Variants in CAMK4 observed in about 807,000 individuals in gnomAD.
The protein encoded by CAMK4 is calcium/calmodulin-dependent protein kinase type IV.
CAMK4 carries 22 observed loss-of-function variants against 44.9 expected under a neutral mutation model. The ratio of observed to expected loss-of-function variants is 0.49; its 90% CI spans 0.35 to 0.70. The LOEUF is 0.70. Among genes scored for constraint, CAMK4 ranks in the 30% least tolerant of loss-of-function variants. The pLI, the probability that CAMK4 is intolerant of heterozygous loss-of-function variation, is 0.01. For missense variants in CAMK4, 498 were observed against 586.8 expected (o/e 0.85, Z 1.56); for synonymous variants, 218 against 215.4 (o/e 1.01, Z -0.11).
At chr5:111,309,602 T>G (rs1748111675) in intron 1 of CAMK4, among the ~76,000 whole-genome samples, 1 of 152,162 alleles carries the variant, frequency 6.6e-6, no homozygotes, top group African/African-American at 2.4e-5. Flanking sequence ...TTAGTCATCC[T>G]CCTGGCTTTT....
chr5:111,247,724 A>G (rs981047100), intron 1 of CAMK4, among the ~76,000 whole-genome samples: 2 of 152,112 alleles, frequency 1.3e-5, no homozygotes, highest in African/African-American at 4.8e-5. Context: ...ACCCCAGATA[A>G]TGGAGGATAA....
At chr5:111,415,848 T>C (rs1263173027) in intron 5 of CAMK4, among the ~76,000 whole-genome samples, 1 of 152,088 alleles carries the variant, frequency 6.6e-6, no homozygotes, top group Admixed American at 6.5e-5. Flanking sequence ...ACAAAATAAA[T>C]AAAAAACAAT....
Position 111,478,515 on chromosome 5 carries a change from TA to T in CAMK4, c.828+10del. ...CTAAATGCCAAGGACTTGGTAAGTG[TA>T]ACCAAAACAAAATGAAACAAAATGA... is the stretch of plus-strand genomic sequence containing the variant. On this transcript the variant is annotated intron_variant, in intron 9 of 10. Transcript: ENST00000282356. 2 of 1,423,844 alleles carry T rather than the reference TA, an allele frequency of 1.4e-6. No homozygotes were observed. Among genetic ancestry groups the T allele is most frequent in the Non-Finnish European group, 1.9e-6 (2 of 1,049,464 alleles). The allele number at this position is 1,423,844 out of a possible 1,614,324, so 88.2% of individuals were successfully genotyped here. A position where few individuals can be genotyped will look rare whatever the true frequency, so the allele number is the denominator to read the frequency against.
chr5:111,296,798 C>T (rs1747502423), intron 1 of CAMK4, among the ~76,000 whole-genome samples: 1 of 152,184 alleles, frequency 6.6e-6, no homozygotes, highest in African/African-American at 2.4e-5. Context: ...CAAATGCCTG[C>T]AGAGCCAGAC....
rs1580807502 is a variant in CAMK4, at chr5:111,478,507, G to A, written c.828G>A (p.Leu276=). The change falls in exon 9 of 11, where the codon TTG becomes TTA. Residue 276 remains leucine (L), a splice_region_variant and synonymous_variant. Transcript: ENST00000282356. ...WDEVSLNAKD[L]VRKLIVLDPK... ...AAGTATCTCTAAATGCCAAGGACTT[G>A]GTAAGTGTAACCAAAACAAAATGAA... The A allele has an allele frequency of 6.6e-7, 1 of 1,507,792 alleles. No individual in the cohort carries two copies. The allele number at this position is 1,507,792 out of a possible 1,614,324, so 93.4% of individuals were successfully genotyped here.
At chr5:111,294,456 T>A (rs1214350385) in intron 1 of CAMK4, among the ~76,000 whole-genome samples, 2 of 152,200 alleles carry the variant, frequency 1.3e-5, no homozygotes, top group Admixed American at 1.3e-4. Context: ...TTACTAAATA[T>A]TATTTTGAGA....
intron 1 of CAMK4, among the ~76,000 whole-genome samples, chr5:111,237,050 C>G (rs181079049): frequency 6.6e-6 from 1 of 152,336 alleles, no homozygotes; most frequent in East Asian, 1.9e-4. Flanking sequence ...GTCTCCCTCT[C>G]ATTAGAATGT....
At chr5:111,297,377 T>C (rs927597433) in intron 1 of CAMK4, among the ~76,000 whole-genome samples, 2 of 152,140 alleles carry the variant, frequency 1.3e-5, no homozygotes, top group Admixed American at 1.3e-4. Flanking sequence ...GGCTAGGATG[T>C]GGAAAATTAG....
At chr5:111,426,956 C>T (rs1026983933) in intron 5 of CAMK4, among the ~76,000 whole-genome samples, 8 of 152,152 alleles carry the variant, frequency 5.3e-5, no homozygotes, top group African/African-American at 1.9e-4. Context: ...ACAAGAGTCC[C>T]AGTGCTGAAT....
intron 1 of CAMK4, among the ~76,000 whole-genome samples, chr5:111,291,650 A>G (rs1747263904): frequency 6.6e-6 from 1 of 152,126 alleles, no homozygotes; most frequent in Non-Finnish European, 1.5e-5. Context: ...TCCTGGGACC[A>G]CAGGCAAGGA....
At chr5:111,267,089 G>T (rs79338200) in intron 1 of CAMK4, among the ~76,000 whole-genome samples, 4,463 of 152,088 alleles carry the variant, frequency 0.029, 89 homozygotes, top group Admixed American at 0.044. Flanking sequence ...CTTCAGGTTG[G>T]TCCCTGAATC....
chr5:111,283,909 C>T (rs1167096970), intron 1 of CAMK4, among the ~76,000 whole-genome samples: 1 of 151,998 alleles, frequency 6.6e-6, no homozygotes, highest in Non-Finnish European at 1.5e-5. Flanking sequence ...TTTAGGTTGT[C>T]TCCTTTTTCT....
At chr5:111,249,290 AGAT>A (rs1314433711) in intron 1 of CAMK4, among the ~76,000 whole-genome samples, 2 of 152,126 alleles carry the variant, frequency 1.3e-5, no homozygotes, top group African/African-American at 4.8e-5. Context: ...CCAAGAACAT[AGAT>A]GATCTGGAAA....
chr5:111,418,977 C>G (rs1752919504), intron 5 of CAMK4, among the ~76,000 whole-genome samples: 1 of 152,104 alleles, frequency 6.6e-6, no homozygotes, highest in Non-Finnish European at 1.5e-5. Flanking sequence ...ATGGCTGGGT[C>G]AAATGGTATT....
At chr5:111,444,400 C>G (rs1265412892) in intron 5 of CAMK4, among the ~76,000 whole-genome samples, 1 of 152,100 alleles carries the variant, frequency 6.6e-6, no homozygotes, top group African/African-American at 2.4e-5. Context: ...GCCTCAGGTG[C>G]CACTGTCACA....
At chr5:111,274,092 TG>T (rs1240765058) in intron 1 of CAMK4, among the ~76,000 whole-genome samples, 1 of 152,050 alleles carries the variant, frequency 6.6e-6, no homozygotes, top group Admixed American at 6.6e-5. Flanking sequence ...TTGATGTTTC[TG>T]GAACACGTGG....
At position 111,447,034 on chromosome 5, in the gene CAMK4, C is replaced by T. The variant is rs557980139; in HGVS notation, c.550+258C>T. Among the ~76,000 whole-genome samples the T allele has an allele frequency of 7.2e-5, 11 of 152,206 alleles. No individual in the cohort carries two copies. The South Asian group carries it at 1.2e-3, about 17-fold the overall frequency. ...AATCACAGCTTAGAAATGGCAAGGA[C>T]CACAGGAGATGACCTTGTATTTTGT... On this transcript the variant is annotated intron_variant, in intron 6 of 10. Transcript: ENST00000282356.
intron 2 of CAMK4, among the ~76,000 whole-genome samples, chr5:111,370,829 C>T (rs939951363): frequency 1.3e-5 from 2 of 152,046 alleles, no homozygotes; most frequent in East Asian, 1.9e-4. Context: ...GCAGGAGAAT[C>T]GCTTGAACTT....
At chr5:111,356,736 G>C (rs371581877) in intron 2 of CAMK4, among the ~76,000 whole-genome samples, 19,177 of 150,264 alleles carry the variant, frequency 0.13, 1,056 homozygotes, top group African/African-American at 0.32. Flanking sequence ...AGCCAGTTTT[G>C]CCAGCACCAT....
Sources: gnomAD v4.1 joint callset for allele counts (sites outside exome capture counted in the v4.1 genomes callset) on GRCh38, gnomAD v4.1.1 for gene constraint, MANE v1.5 for transcripts, NCBI Gene and HGNC (gene_info 2026-07-23, HGNC 2026-07-21) for gene names.